PHF14: variants seen among roughly 807,000 people sequenced by gnomAD.
PHF14 encodes the protein PHD finger protein 14.
A neutral mutation model predicts 117.9 loss-of-function variants in PHF14; 55 were observed. That is an observed-to-expected ratio of 0.47 (90% CI 0.38 to 0.58). The LOEUF is 0.58. Ranked by LOEUF, PHF14 falls within the 20% of genes least tolerant of loss-of-function variation. The pLI is 0.00. For synonymous variants in PHF14, 409 were observed against 368.6 expected, an observed-to-expected ratio of 1.11 and a Z score of -1.26; for missense variants, 978 against 1,122.2, an observed-to-expected ratio of 0.87 and a Z score of 1.84.
At position 11,169,463 on chromosome 7, in the gene PHF14, CA is replaced by C. The variant is rs751736515; in HGVS notation, c.2821del (p.Met941TrpfsTer23). ...ERKNISQELN[M>X]EQKNPKK ...GAAAAAATATATCTCAGGAGCTCAA[CA>C]TGGAACAGAAAAATCCAAAGAAATA... is the stretch of plus-strand genomic sequence containing the variant. On this transcript the variant is annotated frameshift_variant, in exon 18 of 18. Coordinates refer to ENST00000634607, the MANE Select transcript of PHF14 (RefSeq NM_001007157.2). LOFTEE classifies it high-confidence loss of function. 6.6e-6 allele frequency: 10 copies of C among 1,519,626 alleles called. No individual in the cohort carries two copies. In the South Asian group the frequency reaches 1.2e-4, roughly 18 times the overall value. The allele number at this position is 1,519,626 out of a possible 1,614,324, so 94.1% of individuals were successfully genotyped here.
intron 17 of PHF14, among the ~76,000 whole-genome samples, chr7:11,122,831 T>C (rs1227713694): frequency 6.6e-6 from 1 of 152,094 alleles, no homozygotes; most frequent in South Asian, 2.1e-4. Flanking sequence ...TTCAGTAGTG[T>C]TTTCTTGGTC....
chr7:11,051,179 T>C (rs960660135), intron 13 of PHF14, among the ~76,000 whole-genome samples: 28 of 152,092 alleles, frequency 1.8e-4, no homozygotes, highest in African/African-American at 6.5e-4. Flanking sequence ...TAGCTGGGAT[T>C]ATAGGCGTGT....
At chr7:11,087,337 G>A (rs1583453051) in intron 16 of PHF14, among the ~76,000 whole-genome samples, 1 of 151,952 alleles carries the variant, frequency 6.6e-6, no homozygotes, top group East Asian at 1.9e-4. Flanking sequence ...GACTACAGGC[G>A]CACACCACCA....
At chr7:11,142,314 A>G (rs1245806375) in intron 17 of PHF14, among the ~76,000 whole-genome samples, 2 of 152,062 alleles carry the variant, frequency 1.3e-5, no homozygotes, top group East Asian at 1.9e-4. Context: ...AGTGATACAC[A>G]TAGCAATTAT....
At chr7:11,037,260 A>C (rs889165159) in intron 10 of PHF14, among the ~76,000 whole-genome samples, 169 bp downstream of exon 10, 1 of 152,120 alleles carries the variant, frequency 6.6e-6, no homozygotes, top group Non-Finnish European at 1.5e-5. Flanking sequence ...ACTGTCTCTT[A>C]CTGAGCACTT....
chr7:11,073,605 A>C (rs1027704498), intron 16 of PHF14, among the ~76,000 whole-genome samples: 59 of 152,160 alleles, frequency 3.9e-4, no homozygotes, highest in African/African-American at 1.3e-3. Flanking sequence ...CTACCATTCT[A>C]AGGTCTGGAA....
intron 5 of PHF14, among the ~76,000 whole-genome samples, chr7:11,014,342 T>C (rs1453095173): frequency 2.0e-5 from 3 of 152,134 alleles, no homozygotes; most frequent in Admixed American, 1.3e-4. Context: ...ATTTTTAAGC[T>C]GTGATAAAAG....
chr7:11,068,304 C>T (rs1019444314), intron 16 of PHF14, among the ~76,000 whole-genome samples: 12 of 144,214 alleles, frequency 8.3e-5, no homozygotes, highest in East Asian at 2.1e-4. Flanking sequence ...GAGCCAAGAT[C>T]GCACCACTGC....
intron 17 of PHF14, among the ~76,000 whole-genome samples, chr7:11,145,470 A>G (rs114646865): frequency 6.6e-6 from 1 of 152,104 alleles, no homozygotes; most frequent in East Asian, 1.9e-4. Context: ...CTCCAAATTC[A>G]TTAGGCAGTT....
At chr7:11,088,800 T>C (rs1786526307) in intron 16 of PHF14, among the ~76,000 whole-genome samples, 1 of 152,118 alleles carries the variant, frequency 6.6e-6, no homozygotes, top group South Asian at 2.1e-4. Flanking sequence ...AGTGATAAAC[T>C]ATAACAAATC....
At chr7:10,993,317 T>C (rs1009651756) in intron 4 of PHF14, among the ~76,000 whole-genome samples, 3 of 152,178 alleles carry the variant, frequency 2.0e-5, no homozygotes, top group Non-Finnish European at 2.9e-5. Flanking sequence ...ACAGCCCTTG[T>C]CCCAAGTAAT....
At chr7:10,990,888 C>G (rs1264294979) in intron 4 of PHF14, 41 bp downstream of exon 4, 1 of 1,467,928 alleles carries the variant, frequency 6.8e-7, no homozygotes, top group Non-Finnish European at 9.3e-7. Flanking sequence ...AAATGGCTGA[C>G]TGTGGCTCTT....
intron 7 of PHF14, 116 bp from the exon 8 acceptor site, chr7:11,035,524 G>C (rs1784294011): frequency 3.7e-6 from 2 of 540,248 alleles, no homozygotes; most frequent in East Asian, 6.3e-5. Context: ...TAATTTATTA[G>C]ATGTAACTAG....
intron 16 of PHF14, among the ~76,000 whole-genome samples, chr7:11,084,253 C>G (rs1271285260): frequency 1.3e-5 from 2 of 152,170 alleles, no homozygotes; most frequent in African/African-American, 2.4e-5. Context: ...TCAGCATACA[C>G]AGATAGCCAT....
chr7:11,137,590 CTTTTTTT>C (rs5882293), intron 17 of PHF14, among the ~76,000 whole-genome samples: 3 of 93,966 alleles, frequency 3.2e-5, no homozygotes, highest in Non-Finnish European at 6.1e-5. Context: ...CTTAAAAATT[CTTTTTTT>C]TTTTTTTTTT....
At chr7:11,008,958 C>T (rs1783237023) in intron 4 of PHF14, among the ~76,000 whole-genome samples, 1 of 150,886 alleles carries the variant, frequency 6.6e-6, no homozygotes, top group Admixed American at 6.6e-5. Flanking sequence ...ATGGCTTGAA[C>T]CTGGGAGGTG....
rs1246857664 is a variant in PHF14 at position 11,111,340 on chromosome 7, T to G, written c.2655-10T>G. On this transcript the variant is annotated splice_polypyrimidine_tract_variant and intron_variant, in intron 16 of 17. Transcript: ENST00000634607. Reference sequence around the variant, plus strand: ...AGATACACCTACCTATAAATCTGTTTACCCTGCAGGTGTGATGAATGCAGA... The same window carrying G: ...AGATACACCTACCTATAAATCTGTTGACCCTGCAGGTGTGATGAATGCAGA... 7.1e-7 allele frequency: 1 copy of G among 1,412,346 alleles called. No individual in the cohort carries two copies. Among genetic ancestry groups the G allele is most frequent in the Non-Finnish European group, 1.0e-6 (1 of 1,003,592 alleles). The allele number at this position is 1,412,346 out of a possible 1,614,324, so 87.5% of individuals were successfully genotyped here.
intron 5 of PHF14, among the ~76,000 whole-genome samples, chr7:11,022,273 AT>A: frequency 6.6e-6 from 1 of 152,196 alleles, no homozygotes; most frequent in Non-Finnish European, 1.5e-5. Context: ...AACAGATAAG[AT>A]GAATAAAAAT....
chr7:11,082,228 C>T (rs1786170268), intron 16 of PHF14, among the ~76,000 whole-genome samples: 1 of 152,068 alleles, frequency 6.6e-6, no homozygotes, highest in African/African-American at 2.4e-5. Flanking sequence ...TGCCTATAGT[C>T]CCAGCTACTT....
Sources: gnomAD v4.1 joint callset for allele counts (sites outside exome capture counted in the v4.1 genomes callset) on GRCh38, gnomAD v4.1.1 for gene constraint, MANE v1.5 for transcripts, NCBI Gene and HGNC (gene_info 2026-07-23, HGNC 2026-07-21) for gene names.